Variants in PIK3CD observed in about 807,000 individuals in gnomAD.
PIK3CD encodes phosphatidylinositol-4,5-bisphosphate 3-kinase catalytic subunit delta, also known as phosphatidylinositol 4,5-bisphosphate 3-kinase catalytic subunit delta isoform.
PIK3CD carries 20 observed loss-of-function variants against 122.9 expected under a neutral mutation model. That is an observed-to-expected ratio of 0.16 (90% CI 0.11 to 0.24). The LOEUF (loss-of-function observed/expected upper bound fraction) is 0.24. Ranked by LOEUF, PIK3CD falls within the 10% of genes least tolerant of loss-of-function variation. PIK3CD has a pLI of 1.00. For missense variants in PIK3CD, 787 were observed against 1,406.3 expected (o/e 0.56, Z 7.04); for synonymous variants, 596 against 593.4 (o/e 1.00, Z -0.06).
chr1:9,720,672 TG>T lies in PIK3CD; in HGVS notation c.1521+16del, dbSNP rs1165776047. On this transcript the variant is annotated intron_variant, in intron 12 of 23. Transcript: ENST00000377346. The surrounding 1 kb of genome is among the most constrained non-coding windows in gnomAD (Gnocchi z 9.0). The stretch of plus-strand genomic sequence containing the variant: ...GTCACCGAGGAGGAGGTGAGTGGGG[TG>T]GGGGTGTGGGGTGGGGGGCATGGAG... 1 of 78,598 alleles carries T rather than the reference TG, an allele frequency of 1.3e-5. No individual in the cohort carries two copies. The highest frequency in any genetic ancestry group is 2.7e-4 in the African/African-American group (1 of 3,686). 4.9% of individuals were successfully genotyped at this position (78,598 alleles called of 1,614,324 possible). A position where few individuals can be genotyped will look rare whatever the true frequency, so the allele number is the denominator to read the frequency against.
the PIK3CD span, among the ~76,000 whole-genome samples, chr1:9,636,789 C>T: frequency 6.6e-4 from 100 of 152,328 alleles, no homozygotes; most frequent in African/African-American, 2.3e-3. Flanking sequence ...CCAAGGAGGG[C>T]GAAGCGCACA....
At position 9,717,667 on chromosome 1, in the gene PIK3CD, G is replaced by A; in HGVS notation, c.1020+41G>A. On this transcript the variant is annotated intron_variant, in intron 8 of 23. Transcript: ENST00000377346. This position sits in a 1 kb window ranked among gnomAD's most constrained non-coding sequence, Gnocchi z 5.4. ...TAGGTGGGAGAGACACTGTTTTTTT[G>A]CACAAACAAGGTGGCTGTATCCTGG... The A allele has an allele frequency of 6.3e-7, 1 of 1,579,156 alleles. No homozygotes were observed. Among genetic ancestry groups the A allele is most frequent in the African/African-American group, 1.3e-5 (1 of 74,322 alleles).
chr1:9,717,413 C>A lies in PIK3CD; in HGVS notation c.931-124C>A. 1 of 1,013,084 alleles carries A rather than the reference C, an allele frequency of 9.9e-7. No homozygotes were observed. The highest frequency in any genetic ancestry group is 1.5e-6 in the Non-Finnish European group (1 of 649,876). The allele number at this position is 1,013,084 out of a possible 1,614,324, so 62.8% of individuals were successfully genotyped here. Reference sequence around the variant, plus strand: ...GGAAAGGATAGCATTGTGGACAGGCCCAAACCTGGCCGCAAACCTGTGACC... The same window carrying A: ...GGAAAGGATAGCATTGTGGACAGGCACAAACCTGGCCGCAAACCTGTGACC... On this transcript the variant is annotated intron_variant, in intron 7 of 23. Coordinates refer to ENST00000377346, the MANE Select transcript of PIK3CD (RefSeq NM_005026.5). This position sits in a 1 kb window ranked among gnomAD's most constrained non-coding sequence, Gnocchi z 5.4.
Position 9,727,335 on chromosome 1 carries a change from G to A in PIK3CD, c.*289G>A, listed in dbSNP as rs1649817250. The A allele has an allele frequency of 1.0e-5, 5 of 499,006 alleles. No individual in the cohort carries two copies. The highest frequency in any genetic ancestry group is 1.8e-5 in the Non-Finnish European group (5 of 272,868). The allele number at this position is 499,006 out of a possible 1,614,324, so 30.9% of individuals were successfully genotyped here. A position where few individuals can be genotyped will look rare whatever the true frequency, so the allele number is the denominator to read the frequency against. The stretch of plus-strand genomic sequence containing the variant: ...CCAAGTCTTCCAGCTGGTGGATCTG[G>A]GCCCAGCAAAGACTGTTCTCCTCCC... On this transcript the variant is annotated 3_prime_UTR_variant, in exon 24 of 24. Coordinates refer to ENST00000377346, the MANE Select transcript of PIK3CD (RefSeq NM_005026.5).
At chr1:9,679,973 CA>C (rs1173365404) in intron 1 of PIK3CD, among the ~76,000 whole-genome samples, 1 of 151,826 alleles carries the variant, frequency 6.6e-6, no homozygotes, top group East Asian at 1.9e-4. Flanking sequence ...TACAGGCGCC[CA>C]CCACCACACC....
chr1:9,720,804 G>A lies in PIK3CD; in HGVS notation c.1584G>A (p.Lys528=). The A allele has an allele frequency of 1.2e-6, 2 of 1,613,198 alleles. No homozygotes were observed. The highest frequency in any genetic ancestry group is 1.7e-6 in the Non-Finnish European group (2 of 1,179,824). ...RGSGELYEHE[K]DLVWKLRHEV... is the part of the protein sequence containing the mutation. ...CTGGGGAGCTGTATGAGCACGAGAA[G>A]GACCTGGTGTGGAAGCTGCGGCATG... The change falls in exon 13 of 24, where the codon AAG becomes AAA. Residue 528 remains lysine (K), a synonymous_variant. Transcript: ENST00000377346. This position sits in a 1 kb window ranked among gnomAD's most constrained non-coding sequence, Gnocchi z 9.0.
chr1:9,663,282 AAGCTACC>A (rs1374127417), intron 1 of PIK3CD, among the ~76,000 whole-genome samples: 2 of 152,142 alleles, frequency 1.3e-5, no homozygotes, highest in Non-Finnish European at 1.5e-5. Flanking sequence ...CCCACCAGGG[AAGCTACC>A]CCACAGCCCT....
At chr1:9,682,881 G>A (rs1645809466) in intron 1 of PIK3CD, among the ~76,000 whole-genome samples, 1 of 152,098 alleles carries the variant, frequency 6.6e-6, no homozygotes, top group Non-Finnish European at 1.5e-5. Flanking sequence ...CCATTTTAGT[G>A]GGAACTGACC....
Position 9,721,827 on chromosome 1 carries a change from C to G in PIK3CD, c.2022C>G (p.Gly674=), listed in dbSNP as rs774318333. The G allele has an allele frequency of 6.2e-7, 1 of 1,613,184 alleles. No individual in the cohort carries two copies. The highest frequency in any genetic ancestry group is 2.2e-5 in the East Asian group (1 of 44,874). Residue 674 remains glycine, a synonymous_variant, in exon 16 of 24, where the codon GGC becomes GGG. Coordinates refer to ENST00000377346, the MANE Select transcript of PIK3CD (RefSeq NM_005026.5). The part of the protein sequence containing the change: ...FGLILEAYCR[G]STHHMKVLMK... ...TCATCCTGGAGGCCTACTGCAGGGG[C>G]AGCACCCACCACATGAAGGTGCTGA...
Position 9,681,332 on chromosome 1 carries a change from G to T in PIK3CD, c.-137-10135G>T, listed in dbSNP as rs188737351. 9.9e-3 allele frequency among the ~76,000 whole-genome samples: 1,500 copies of T among 151,858 alleles called. 25 individuals carry two copies. The highest frequency in any genetic ancestry group is 0.034 in the African/African-American group (1,390 of 41,126). Reference sequence around the variant, plus strand: ...AGCTCACTGCAGCCTCCAGCTCCTGGGCTCAAGCAACCCTCCAGCCTCACC... The same window carrying T: ...AGCTCACTGCAGCCTCCAGCTCCTGTGCTCAAGCAACCCTCCAGCCTCACC... On this transcript the variant is annotated intron_variant, in intron 1 of 23. Transcript: ENST00000377346.
Position 9,722,554 on chromosome 1 carries a change from C to T in PIK3CD, c.2374C>T (p.Gln792Ter). Residue 792 changes from glutamine (Q) to a stop codon, truncating the protein, a stop_gained, in exon 19 of 24, where the codon CAG (glutamine) becomes TAG (stop). Transcript: ENST00000377346. LOFTEE classifies it high-confidence loss of function. This position sits in a 1 kb window ranked among gnomAD's most constrained non-coding sequence, Gnocchi z 7.6. ...DDLRQDMLTL[Q>*]MIQLMDVLWK... The stretch of plus-strand genomic sequence containing the variant: ...CCTCCGGCAGGACATGCTGACCCTG[C>T]AGATGATCCAGCTCATGGACGTCCT... The T allele has an allele frequency of 6.2e-7, 1 of 1,613,684 alleles. No homozygotes were observed. Among genetic ancestry groups the T allele is most frequent in the Non-Finnish European group, 8.5e-7 (1 of 1,179,978 alleles).
At chr1:9,679,115 T>C (rs918857604) in intron 1 of PIK3CD, among the ~76,000 whole-genome samples, 1 of 148,510 alleles carries the variant, frequency 6.7e-6, no homozygotes, top group South Asian at 2.2e-4. Flanking sequence ...TCGCCCAGGC[T>C]GGAGTGCAAT....
At chr1:9,702,962 C>T (rs1326557501) in intron 2 of PIK3CD, among the ~76,000 whole-genome samples, 1 of 152,216 alleles carries the variant, frequency 6.6e-6, no homozygotes, top group Non-Finnish European at 1.5e-5. Context: ...GCTGATGAGA[C>T]TGAAGAGTCC....
At chr1:9,692,118 C>T (rs1441970284) in intron 2 of PIK3CD, among the ~76,000 whole-genome samples, 1 of 152,126 alleles carries the variant, frequency 6.6e-6, no homozygotes, top group Non-Finnish European at 1.5e-5. Flanking sequence ...AATGAGGACA[C>T]TGAGGCCAGA....
intron 1 of PIK3CD, among the ~76,000 whole-genome samples, chr1:9,680,458 A>T (rs1270355627): frequency 2.6e-5 from 4 of 152,130 alleles, no homozygotes; most frequent in Non-Finnish European, 5.9e-5. Context: ...AAAAAAAAAA[A>T]ATTAAAACAT....
chr1:9,640,111 G>T, the PIK3CD span, among the ~76,000 whole-genome samples: 4 of 148,956 alleles, frequency 2.7e-5, no homozygotes, highest in East Asian at 4.0e-4. Context: ...TCAGTTCATC[G>T]CTGTGACCCC....
chr1:9,680,865 T>C (rs193201637), intron 1 of PIK3CD: 1 of 152,310 alleles, frequency 6.6e-6, no homozygotes, highest in Admixed American at 6.5e-5. Context: ...CAAGCATTTA[T>C]GATCCCGTAG....
At chr1:9,636,375 G>A in the PIK3CD span, among the ~76,000 whole-genome samples, 2 of 152,258 alleles carry the variant, frequency 1.3e-5, no homozygotes, top group East Asian at 3.9e-4. Context: ...TGTATTTTTA[G>A]TAGAGACAGG....
At chr1:9,630,739 T>TGTGTGCGC in the PIK3CD span, among the ~76,000 whole-genome samples, 5 of 150,852 alleles carry the variant, frequency 3.3e-5, no homozygotes, top group Admixed American at 1.3e-4. Flanking sequence ...TGTGTGTGTG[T>TGTGTGCGC]GCAGAAGAGG....
Sources: gnomAD v4.1 joint callset for allele counts (sites outside exome capture counted in the v4.1 genomes callset) on GRCh38, gnomAD v4.1.1 for gene constraint, Gnocchi (gnomAD v3.1) non-coding constraint, MANE v1.5 for transcripts, NCBI Gene and HGNC (gene_info 2026-07-23, HGNC 2026-07-21) for gene names.